The following CISD2 variants were observed in gnomAD, a reference collection of about 807,000 sequenced individuals.
CISD2 encodes the protein CDGSH iron sulfur domain 2, also known as CDGSH iron-sulfur domain-containing protein 2.
A neutral mutation model predicts 12.9 loss-of-function variants in CISD2; 1 was observed. The observed-to-expected ratio is 0.08, with a 90% CI of 0.03 to 0.37. The LOEUF (loss-of-function observed/expected upper bound fraction) is 0.37. CISD2 is among the 10% of genes least tolerant of loss of function. The pLI is 0.99. For synonymous variants in CISD2, 50 were observed against 60.6 expected, an observed-to-expected ratio of 0.83 and a Z score of 0.81; for missense variants, 97 against 163.1, an observed-to-expected ratio of 0.59 and a Z score of 2.21.
intron 2 of CISD2, among the ~76,000 whole-genome samples, chr4:102,886,494 A>G (rs1042313865): frequency 6.6e-6 from 1 of 152,186 alleles, no homozygotes; most frequent in Non-Finnish European, 1.5e-5. Context: ...GTCTCACAAA[A>G]AAAAGAAAAA....
At chr4:102,872,326 G>T (rs911550507) in intron 1 of CISD2, among the ~76,000 whole-genome samples, 2 of 152,072 alleles carry the variant, frequency 1.3e-5, no homozygotes, top group Admixed American at 6.5e-5. Context: ...TGCCTCGGCC[G>T]CCCAAAGTGC....
chr4:102,888,722 C>CAA lies in CISD2; in HGVS notation c.*1293_*1294dup, dbSNP rs1242777839. On this transcript the variant is annotated 3_prime_UTR_variant, in exon 3 of 3. Coordinates refer to ENST00000273986, the MANE Select transcript of CISD2 (RefSeq NM_001008388.5). ...TTGAGGTGGGAGGATGGCTGCAGTA[C>CAA]AAGAGCCCAGGAGTTCAAGGCCAGG... is the stretch of plus-strand genomic sequence containing the variant. 1 of 152,302 alleles carries CAA rather than the reference C, an allele frequency of 6.6e-6. No homozygotes were observed. Among genetic ancestry groups the CAA allele is most frequent in the East Asian group, 1.9e-4 (1 of 5,196 alleles). The allele number at this position is 152,302 out of a possible 1,614,324, so 9.4% of individuals were successfully genotyped here. A position where few individuals can be genotyped will look rare whatever the true frequency, so the allele number is the denominator to read the frequency against.
chr4:102,877,147 A>G (rs1435270611), intron 1 of CISD2, among the ~76,000 whole-genome samples: 1 of 152,252 alleles, frequency 6.6e-6, no homozygotes, highest in Non-Finnish European at 1.5e-5. Context: ...ATGCCTTCCC[A>G]ACAGTCCTCC....
rs1191716987 is a variant in CISD2, at chr4:102,869,040, C to T, written c.-45C>T. The T allele has an allele frequency of 2.9e-5, 46 of 1,574,718 alleles. No homozygotes were observed. Among genetic ancestry groups the T allele is most frequent in the Non-Finnish European group, 3.9e-5 (45 of 1,161,686 alleles). The stretch of plus-strand genomic sequence containing the variant: ...CCCGGCGCAGGCGCGGCAGCTTGGC[C>T]AGAGCGGAGGGGGCTCGGGAGAGGA... On this transcript the variant is annotated 5_prime_UTR_variant, in exon 1 of 3. Transcript: ENST00000273986.
At position 102,891,775 on chromosome 4, in the gene CISD2, T is replaced by A. The variant is rs2110410378; in HGVS notation, c.*4345T>A. ...GAAAACTAAATAAAGCAGTAGCAATTTAAGTCATAATAAATTTTGTTAGAT... is the reference window on the plus strand; with the variant it reads ...GAAAACTAAATAAAGCAGTAGCAATATAAGTCATAATAAATTTTGTTAGAT... On this transcript the variant is annotated 3_prime_UTR_variant, in exon 3 of 3. Transcript: ENST00000273986. The A allele has an allele frequency of 6.6e-6, 1 of 152,360 alleles. No homozygotes were observed. The highest frequency in any genetic ancestry group is 2.4e-5 in the African/African-American group (1 of 41,580). 9.4% of individuals were successfully genotyped at this position (152,360 alleles called of 1,614,324 possible).
At chr4:102,874,425 C>T (rs1201236538) in intron 1 of CISD2, 1 of 152,184 alleles carries the variant, frequency 6.6e-6, no homozygotes, top group Non-Finnish European at 1.5e-5. Flanking sequence ...CTCAGCATCA[C>T]ACAATATACC....
rs564979814 is a variant in CISD2, at chr4:102,892,138, A to T, written c.*4708A>T. On this transcript the variant is annotated 3_prime_UTR_variant, in exon 3 of 3. Coordinates refer to ENST00000273986, the MANE Select transcript of CISD2 (RefSeq NM_001008388.5). The stretch of plus-strand genomic sequence containing the variant: ...CGGGGGCATGATCGTAGCTCACTGC[A>T]GCCTCAGCCTCTTGTGCTCAAGCGA... 1 of 152,338 alleles carries T rather than the reference A, an allele frequency of 6.6e-6. No individual in the cohort carries two copies. Among genetic ancestry groups the T allele is most frequent in the South Asian group, 2.1e-4 (1 of 4,826 alleles). The allele number at this position is 152,338 out of a possible 1,614,324, so 9.4% of individuals were successfully genotyped here.
Position 102,889,004 on chromosome 4 carries a change from C to CTAAT in CISD2, c.*1576_*1579dup, listed in dbSNP as rs748360250. Reference sequence around the variant, plus strand: ...AGAGGTAATCCTTCTAGAAATAAAACTAATTGTTATTGGGCACTTGTATGT... The same window carrying CTAAT: ...AGAGGTAATCCTTCTAGAAATAAAACTAATTAATTGTTATTGGGCACTTGTATGT... On this transcript the variant is annotated 3_prime_UTR_variant, in exon 3 of 3. Coordinates refer to ENST00000273986, the MANE Select transcript of CISD2 (RefSeq NM_001008388.5). The CTAAT allele has an allele frequency of 2.6e-5, 4 of 152,170 alleles. No homozygotes were observed. The highest frequency in any genetic ancestry group is 5.9e-5 in the Non-Finnish European group (4 of 68,038). The allele number at this position is 152,170 out of a possible 1,614,324, so 9.4% of individuals were successfully genotyped here.
In CISD2 at chr4:102,892,649, G is replaced by A. The variant is rs561960425; in HGVS notation, c.*5219G>A. On this transcript the variant is annotated 3_prime_UTR_variant, in exon 3 of 3. Transcript: ENST00000273986. ...TGTGATACTGTTTTCTTAGAACACT[G>A]TTGTCAGATAGATCAGCCATAATGT... 1.5e-4 allele frequency: 23 copies of A among 152,216 alleles called. No homozygotes were observed. The East Asian group carries it at 4.4e-3, about 29-fold the overall frequency. 9.4% of individuals were successfully genotyped at this position (152,216 alleles called of 1,614,324 possible). A position where few individuals can be genotyped will look rare whatever the true frequency, so the allele number is the denominator to read the frequency against.
chr4:102,869,235 C>T (rs200244408), intron 1 of CISD2, 48 bp downstream of exon 1: 4 of 1,563,394 alleles, frequency 2.6e-6, no homozygotes, highest in South Asian at 1.2e-5. Flanking sequence ...GTTCGCCAAG[C>T]GGGGGAAGGA....
chr4:102,891,013 A>C lies in CISD2; in HGVS notation c.*3583A>C, dbSNP rs534675590. Reference sequence around the variant, plus strand: ...GACCACTTTGAAGGCTGGGAAAAGCAGATAATTTAGATATAGTCAAAGTAT... The same window carrying C: ...GACCACTTTGAAGGCTGGGAAAAGCCGATAATTTAGATATAGTCAAAGTAT... On this transcript the variant is annotated 3_prime_UTR_variant, in exon 3 of 3. Coordinates refer to ENST00000273986, the MANE Select transcript of CISD2 (RefSeq NM_001008388.5). 1.3e-5 allele frequency: 2 copies of C among 151,178 alleles called. No homozygotes were observed. The highest frequency in any genetic ancestry group is 4.1e-4 in the South Asian group (2 of 4,828). The allele number at this position is 151,178 out of a possible 1,614,324, so 9.4% of individuals were successfully genotyped here.
At chr4:102,879,145 A>G (rs1188749335) in intron 1 of CISD2, among the ~76,000 whole-genome samples, 2 of 152,104 alleles carry the variant, frequency 1.3e-5, no homozygotes, top group Non-Finnish European at 2.9e-5. Flanking sequence ...TTAATCACCA[A>G]CCACCAGGTT....
intron 2 of CISD2, among the ~76,000 whole-genome samples, chr4:102,886,047 A>G (rs1044958036): frequency 2.0e-5 from 3 of 152,182 alleles, no homozygotes; most frequent in Non-Finnish European, 2.9e-5. Context: ...ATTGCTCATC[A>G]CAGCATCCTT....
At position 102,887,794 on chromosome 4, in the gene CISD2, T is replaced by G. The variant is rs1441019487; in HGVS notation, c.*364T>G. 6.0e-6 allele frequency: 1 copy of G among 168,040 alleles called. No homozygotes were observed. Among genetic ancestry groups the G allele is most frequent in the Non-Finnish European group, 1.3e-5 (1 of 77,694 alleles). The allele number at this position is 168,040 out of a possible 1,614,324, so 10.4% of individuals were successfully genotyped here. A position where few individuals can be genotyped will look rare whatever the true frequency, so the allele number is the denominator to read the frequency against. On this transcript the variant is annotated 3_prime_UTR_variant, in exon 3 of 3. Transcript: ENST00000273986. ...TAAATATGTTATTTTTTCATATCTCTTTTGGTTTTGATAATCTGAAGTGTT... is the reference window on the plus strand; with the variant it reads ...TAAATATGTTATTTTTTCATATCTCGTTTGGTTTTGATAATCTGAAGTGTT...
chr4:102,881,615 T>G (rs1244352374), intron 1 of CISD2, among the ~76,000 whole-genome samples: 23 of 152,230 alleles, frequency 1.5e-4, no homozygotes, highest in Admixed American at 1.5e-3. Context: ...TCATTTGAAT[T>G]GAGCTTTTCA....
chr4:102,882,912 A>AAT (rs1733758887), intron 1 of CISD2: 1 of 151,866 alleles, frequency 6.6e-6, no homozygotes, highest in Non-Finnish European at 1.5e-5. Flanking sequence ...ACGCCTGGAT[A>AAT]ATTTTTTGTA....
rs151223492 is a variant in CISD2 at position 102,885,406 on chromosome 4, T to C, written c.294T>C (p.Tyr98=). 101 of 1,614,000 alleles carry C rather than the reference T, an allele frequency of 6.3e-5. No homozygotes were observed. The African/African-American group carries it at 1.2e-3, about 19-fold the overall frequency. Residue 98 remains tyrosine, a synonymous_variant, in exon 2 of 3, where the codon TAT becomes TAC. Coordinates refer to ENST00000273986, the MANE Select transcript of CISD2 (RefSeq NM_001008388.5). ...ATTTGTGTCTTACTAAAGCAGCTTATTGTAGGTGTTGGCGTTCTAAAACGG... is the reference window on the plus strand; with the variant it reads ...ATTTGTGTCTTACTAAAGCAGCTTACTGTAGGTGTTGGCGTTCTAAAACGG... ...IEDLCLTKAA[Y]CRCWRSKTFP... is the part of the protein sequence containing the mutation.
At chr4:102,869,279 G>C in intron 1 of CISD2, 92 bp downstream of exon 1, 1 of 1,496,842 alleles carries the variant, frequency 6.7e-7, no homozygotes, top group Non-Finnish European at 9.0e-7. Context: ...GGGCGGGACG[G>C]AGCTCGGCGC....
intron 1 of CISD2, chr4:102,882,701 CTTAATT>C (rs1417325720): frequency 1.3e-5 from 2 of 152,578 alleles, no homozygotes; most frequent in South Asian, 2.1e-4. Context: ...TTACATTTTA[CTTAATT>C]TTAATTTATT....
Sources: allele counts gnomAD v4.1 joint callset (sites outside exome capture counted in the v4.1 genomes callset), GRCh38; gene constraint gnomAD v4.1.1; transcripts MANE v1.5; gene names NCBI Gene and HGNC (gene_info 2026-07-23, HGNC 2026-07-21).